CLASRP: variants seen among roughly 807,000 people sequenced by gnomAD.
The protein encoded by CLASRP is CLK4-associating serine/arginine rich protein.
CLASRP carries 52 observed loss-of-function variants against 99.9 expected under a neutral mutation model. The observed-to-expected ratio is 0.52, with a 90% CI of 0.42 to 0.66. The LOEUF is 0.66. Ranked by LOEUF, CLASRP falls within the 30% of genes least tolerant of loss-of-function variation. The probability of loss-of-function intolerance (pLI) is 0.00; values close to 1 mark genes in which losing one functional copy is unlikely to be tolerated. For missense variants in CLASRP, 848 were observed against 999.2 expected, an observed-to-expected ratio of 0.85 and a Z score of 2.04; for synonymous variants, 379 against 373.0, an observed-to-expected ratio of 1.02 and a Z score of -0.18.
In CLASRP at chr19:45,068,311, TC is replaced by T. The variant is rs1310198710; in HGVS notation, c.1708-100del. 2,705 of 538,926 alleles carry T rather than the reference TC, an allele frequency of 5.0e-3. 4 individuals are homozygous for T. Among genetic ancestry groups the T allele is most frequent in the East Asian group, 0.018 (561 of 30,412 alleles). The allele number at this position is 538,926 out of a possible 1,614,324, so 33.4% of individuals were successfully genotyped here. A position where few individuals can be genotyped will look rare whatever the true frequency, so the allele number is the denominator to read the frequency against. On this transcript the variant is annotated intron_variant, in intron 15 of 20. Transcript: ENST00000221455. ...CCTGCCCCTCCTCCCCACGTCGTTC[TC>T]CCCCCCCCACCCCCCCCCCGCACAA...
chr19:45,070,157 A>C (rs1051985154), intron 19 of CLASRP, 53 bp downstream of exon 19: 4 of 1,175,876 alleles, frequency 3.4e-6, no homozygotes. Context: ...AAAAGTGTCA[A>C]GCAGGGTTAC....
Position 45,040,989 on chromosome 19 carries a change from G to A in CLASRP, c.99+678G>A, listed in dbSNP as rs145940151. On this transcript the variant is annotated intron_variant, in intron 2 of 20. Coordinates refer to ENST00000221455, the MANE Select transcript of CLASRP (RefSeq NM_007056.3). ...TGTAATCCCAGCACTTTGGGAGGCC[G>A]AGGTGGACAGATCACAAGGTCAAGA... Among the ~76,000 whole-genome samples the A allele has an allele frequency of 5.3e-3, 799 of 151,956 alleles. 8 individuals carry two copies. Among genetic ancestry groups the A allele is most frequent in the African/African-American group, 0.018 (734 of 41,428 alleles).
At chr19:45,064,962 TG>T (rs1477082427) in intron 13 of CLASRP, among the ~76,000 whole-genome samples, 2 of 152,024 alleles carry the variant, frequency 1.3e-5, no homozygotes, top group East Asian at 3.9e-4. Context: ...AGAAAGCGCA[TG>T]GACGCTCCAG....
At position 45,060,687 on chromosome 19, in the gene CLASRP, A is replaced by C. The variant is rs924623422; in HGVS notation, c.863+60A>C. 1 of 1,343,744 alleles carries C rather than the reference A, an allele frequency of 7.4e-7. No homozygotes were observed. 83.2% of individuals were successfully genotyped at this position (1,343,744 alleles called of 1,614,324 possible). A position where few individuals can be genotyped will look rare whatever the true frequency, so the allele number is the denominator to read the frequency against. ...ATCTGGGGGAGGAGAGCAGGGGCTT[A>C]GGGCCTGAGAAAGCTCTTTGGAGGC... is the stretch of plus-strand genomic sequence containing the variant. On this transcript the variant is annotated intron_variant, in intron 10 of 20. Coordinates refer to ENST00000221455, the MANE Select transcript of CLASRP (RefSeq NM_007056.3). This position sits in a 1 kb window ranked among gnomAD's most constrained non-coding sequence, Gnocchi z 4.6.
chr19:45,045,114 TC>T (rs1311512759), intron 2 of CLASRP, among the ~76,000 whole-genome samples: 3 of 152,216 alleles, frequency 2.0e-5, no homozygotes, highest in African/African-American at 7.2e-5. Flanking sequence ...CAGCTTCTCT[TC>T]CTAGTGTTGC....
At position 45,059,430 on chromosome 19, in the gene CLASRP, C is replaced by G. The variant is rs1966889498; in HGVS notation, c.710+66C>G. 4 of 1,303,912 alleles carry G rather than the reference C, an allele frequency of 3.1e-6. No homozygotes were observed. The African/African-American group carries it at 4.4e-5, about 14-fold the overall frequency. The allele number at this position is 1,303,912 out of a possible 1,614,324, so 80.8% of individuals were successfully genotyped here. On this transcript the variant is annotated intron_variant, in intron 8 of 20. Transcript: ENST00000221455. ...CCCACCCTGGCATCTCACTATTACT[C>G]CCGGTATTGACAGCCATCCTGTTTG...
chr19:45,052,042 G>A (rs756403615), intron 2 of CLASRP, 29 bp from the exon 3 acceptor site: 22 of 1,583,624 alleles, frequency 1.4e-5, no homozygotes, highest in Non-Finnish European at 1.9e-5. Flanking sequence ...TCTGTTGGGT[G>A]GTGACCTCAG....
At chr19:45,050,471 G>A (rs943884561) in intron 2 of CLASRP, among the ~76,000 whole-genome samples, 2 of 152,042 alleles carry the variant, frequency 1.3e-5, no homozygotes, top group South Asian at 4.1e-4. Context: ...GATCACCTGA[G>A]GTCGAGAGTT....
In CLASRP at chr19:45,049,329, T is replaced by C. The variant is rs147188206; in HGVS notation, c.100-2742T>C. Among the ~76,000 whole-genome samples the C allele has an allele frequency of 8.5e-3, 1,289 of 152,228 alleles. 13 individuals carry two copies. The highest frequency in any genetic ancestry group is 0.011 in the Non-Finnish European group (780 of 68,014). ...TGGCTTGTCCCAGGGCAGAGGGAGCTGGGTGCGCTGTGTGGCCCCAGCTGA... is the reference window on the plus strand; with the variant it reads ...TGGCTTGTCCCAGGGCAGAGGGAGCCGGGTGCGCTGTGTGGCCCCAGCTGA... On this transcript the variant is annotated intron_variant, in intron 2 of 20. Transcript: ENST00000221455.
chr19:45,045,968 A>G (rs1326123275), intron 2 of CLASRP, among the ~76,000 whole-genome samples: 1 of 152,160 alleles, frequency 6.6e-6, no homozygotes, highest in African/African-American at 2.4e-5. Context: ...CCCTCAGGAC[A>G]GTGGTGACGA....
chr19:45,046,411 A>G (rs888146800), intron 2 of CLASRP, among the ~76,000 whole-genome samples: 1 of 152,204 alleles, frequency 6.6e-6, no homozygotes, highest in African/African-American at 2.4e-5. Flanking sequence ...CTCTGTTGAT[A>G]CGGAAATAAG....
Position 45,052,872 on chromosome 19 carries a change from C to G in CLASRP, c.279C>G (p.Thr93=), listed in dbSNP as rs11667851. The change falls in exon 4 of 21, where the codon ACC becomes ACG. Residue 93 remains threonine (T), a synonymous_variant. Coordinates refer to ENST00000221455, the MANE Select transcript of CLASRP (RefSeq NM_007056.3). ...RAHLDHIPDY[T]PPLLTTISPE... is the part of the protein sequence containing the mutation. ...ACCTGGACCACATCCCCGACTACAC[C>G]CCCCCTCTGCTCACCACCATGTAAG... 7 of 1,610,242 alleles carry G rather than the reference C, an allele frequency of 4.3e-6. No individual in the cohort carries two copies. The African/African-American group carries it at 6.7e-5, about 15-fold the overall frequency.
chr19:45,049,525 T>C (rs1971983040), intron 2 of CLASRP, among the ~76,000 whole-genome samples: 1 of 152,060 alleles, frequency 6.6e-6, no homozygotes, highest in African/African-American at 2.4e-5. Flanking sequence ...GAGTGCGGGG[T>C]TGAAACTAGC....
At position 45,040,186 on chromosome 19, in the gene CLASRP, T is replaced by A; in HGVS notation, c.-27T>A. On this transcript the variant is annotated splice_region_variant and 5_prime_UTR_variant, in exon 2 of 21. Coordinates refer to ENST00000221455, the MANE Select transcript of CLASRP (RefSeq NM_007056.3). The stretch of plus-strand genomic sequence containing the variant: ...TTCCTGGTCCCTTCATCCCTCAGGT[T>A]GAGGCCCCAGGCTTGGCCTCACCAC... 2 of 1,570,854 alleles carry A rather than the reference T, an allele frequency of 1.3e-6. No individual in the cohort carries two copies. Among genetic ancestry groups the A allele is most frequent in the Non-Finnish European group, 1.7e-6 (2 of 1,152,714 alleles).
rs753767141 is a variant in CLASRP at position 45,067,531 on chromosome 19, C to T, written c.1604C>T (p.Ser535Leu). Residue 535 changes from serine to leucine, a missense_variant, in exon 14 of 21, where the codon TCA becomes TTA. Around this residue, in one of 8 missense-constraint regions of CLASRP, gnomAD observed 489 missense variants for 434.7 expected, o/e 1.12. Coordinates refer to ENST00000221455, the MANE Select transcript of CLASRP (RefSeq NM_007056.3). The surrounding 1 kb of genome is among the most constrained non-coding windows in gnomAD (Gnocchi z 4.9). ...AGCCGCAGCCAGAGCCCCTCGCCAT[C>T]ACCCGCAAGAGAGAAGCTGACCAGG... is the stretch of plus-strand genomic sequence containing the variant. Reference protein sequence around the residue: ...SRSRSQSPSPSPAREKLTRPA... With the variant: ...SRSRSQSPSPLPAREKLTRPA... 10 of 1,603,804 alleles carry T rather than the reference C, an allele frequency of 6.2e-6. No homozygotes were observed. Among genetic ancestry groups the T allele is most frequent in the Non-Finnish European group, 7.6e-6 (9 of 1,178,432 alleles).
chr19:45,040,184 G>T lies in CLASRP; in HGVS notation c.-29G>T. 6.4e-7 allele frequency: 1 copy of T among 1,564,564 alleles called. No individual in the cohort carries two copies. Among genetic ancestry groups the T allele is most frequent in the Middle Eastern group, 1.7e-4 (1 of 5,918 alleles). ...CTTTCCTGGTCCCTTCATCCCTCAG[G>T]TTGAGGCCCCAGGCTTGGCCTCACC... On this transcript the variant is annotated splice_region_variant and 5_prime_UTR_variant, in exon 2 of 21. Transcript: ENST00000221455.
Position 45,059,359 on chromosome 19 carries a change from C to T in CLASRP, c.705C>T (p.Phe235=), listed in dbSNP as rs1419207438. The change falls in exon 8 of 21, where the codon TTC becomes TTT. Residue 235 remains phenylalanine (F), a synonymous_variant. Coordinates refer to ENST00000221455, the MANE Select transcript of CLASRP (RefSeq NM_007056.3). ...CTTATGGCATGGCCGACGGTGACTT[C>T]GTCAGGTGAGGCCTGCCTGCTGACA... is the stretch of plus-strand genomic sequence containing the variant. ...ATTYGMADGD[F]VRMLRKDKEE... The T allele has an allele frequency of 7.6e-6, 12 of 1,586,128 alleles. No homozygotes were observed. In the East Asian group the frequency reaches 1.4e-4, roughly 18 times the overall value.
At chr19:45,065,058 G>T (rs751930285) in intron 13 of CLASRP, among the ~76,000 whole-genome samples, 1 of 152,108 alleles carries the variant, frequency 6.6e-6, no homozygotes, top group Non-Finnish European at 1.5e-5. Context: ...TTCCTGTGTG[G>T]CCAGGAGCGG....
In CLASRP at chr19:45,064,604, T is replaced by A; in HGVS notation, c.1383T>A (p.Gly461=). The A allele has an allele frequency of 6.4e-7, 1 of 1,551,524 alleles. No individual in the cohort carries two copies. Among genetic ancestry groups the A allele is most frequent in the Non-Finnish European group, 8.7e-7 (1 of 1,154,670 alleles). Residue 461 remains glycine, a synonymous_variant, in exon 13 of 21, where the codon GGT becomes GGA. Coordinates refer to ENST00000221455, the MANE Select transcript of CLASRP (RefSeq NM_007056.3). ...ACTCCCGCTCGCCCGCCCGGCGTGG[T>A]GGTTACGGGCCCCGGCGCAGAAGCA... ...HRYSRSPARR[G]GYGPRRRSRS... is the part of the protein sequence containing the mutation.
Sources: gnomAD v4.1 joint callset for allele counts (sites outside exome capture counted in the v4.1 genomes callset) on GRCh38, gnomAD v4.1.1 for gene constraint, gnomAD v4.1.1 regional missense constraint, Gnocchi (gnomAD v3.1) non-coding constraint, MANE v1.5 for transcripts, NCBI Gene and HGNC (gene_info 2026-07-23, HGNC 2026-07-21) for gene names.